The following CLN6 variants were observed in gnomAD, a reference collection of about 807,000 sequenced individuals.
The protein encoded by CLN6 is ceroid-lipofuscinosis neuronal protein 6.
Under a neutral mutation model 33.3 loss-of-function variants are expected in CLN6, and 22 were observed. The observed-to-expected ratio is 0.66, with a 90% CI of 0.47 to 0.94. The LOEUF is 0.94. Among genes scored for constraint, CLN6 ranks in the 40% least tolerant of loss-of-function variants. The pLI is 0.00. For missense variants in CLN6, 387 were observed against 417.1 expected, an observed-to-expected ratio of 0.93 and a Z score of 0.63; for synonymous variants, 201 against 174.6, an observed-to-expected ratio of 1.15 and a Z score of -1.19.
At chr15:68,225,479 T>C (rs1200244754) in intron 1 of CLN6, among the ~76,000 whole-genome samples, 2 of 152,046 alleles carry the variant, frequency 1.3e-5, no homozygotes, top group African/African-American at 4.8e-5. Context: ...GGGACTAATA[T>C]CATCTTTTTA....
chr15:68,251,943 ATG>A (rs1029362697), intron 1 of CLN6, among the ~76,000 whole-genome samples: 4 of 140,020 alleles, frequency 2.9e-5, no homozygotes, highest in Admixed American at 7.1e-5. Context: ...GTGCGTGTGT[ATG>A]TGTGTGTGTG....
At position 68,256,609 on chromosome 15, in the gene CLN6, C is replaced by T. The variant is rs1359080066; in HGVS notation, c.179+81G>A. The stretch of plus-strand genomic sequence containing the variant: ...ACGTGGCTGGCTTCAGGGGTGTGGG[C>T]AGTGCAGTCGCACAGGGCCCCACGT... On this transcript the variant is annotated intron_variant, in intron 1 of 6. Coordinates refer to the CLN6 transcript ENST00000538696. The surrounding 1 kb of genome is among the most constrained non-coding windows in gnomAD (Gnocchi z 4.1). The T allele has an allele frequency of 6.9e-6, 4 of 583,076 alleles. No homozygotes were observed. Among genetic ancestry groups the T allele is most frequent in the African/African-American group, 1.9e-5 (1 of 53,562 alleles). The allele number at this position is 583,076 out of a possible 1,614,324, so 36.1% of individuals were successfully genotyped here.
intron 1 of CLN6, among the ~76,000 whole-genome samples, chr15:68,254,024 C>T (rs1018723328): frequency 3.3e-5 from 5 of 151,846 alleles, no homozygotes; most frequent in Non-Finnish European, 5.9e-5. Flanking sequence ...ACTACAGGCG[C>T]CCACCACCGC....
rs1452767677 is a variant in CLN6 at position 68,220,659 on chromosome 15, A to T, written c.84-2009T>A. 6.6e-6 allele frequency among the ~76,000 whole-genome samples: 1 copy of T among 152,230 alleles called. No homozygotes were observed. Among genetic ancestry groups the T allele is most frequent in the Non-Finnish European group, 1.5e-5 (1 of 68,044 alleles). On this transcript the variant is annotated intron_variant, in intron 1 of 6. Coordinates refer to ENST00000249806, the MANE Select transcript of CLN6 (RefSeq NM_017882.3). The surrounding 1 kb of genome is among the most constrained non-coding windows in gnomAD (Gnocchi z 4.2). The stretch of plus-strand genomic sequence containing the variant: ...GGGAGAAAAAGTGCTGACAGTGTTC[A>T]TGTTGCCAGTTCATGATCTGGCCAT...
At chr15:68,223,353 T>C (rs2093243201) in intron 1 of CLN6, among the ~76,000 whole-genome samples, 1 of 152,108 alleles carries the variant, frequency 6.6e-6, no homozygotes, top group African/African-American at 2.4e-5. Context: ...ATCTTCAGAC[T>C]GGACAGATAG....
chr15:68,209,789 C>A lies in CLN6; in HGVS notation c.543-30G>T, dbSNP rs1419531887. On this transcript the variant is annotated intron_variant, in intron 5 of 6. Transcript: ENST00000249806. The surrounding 1 kb of genome is among the most constrained non-coding windows in gnomAD (Gnocchi z 4.9). ...GACAGGAAGGCCAGTGTCTTAGAGGCCTGCTCAGCGGCCCTCTTCCCCACA... is the reference window on the plus strand; with the variant it reads ...GACAGGAAGGCCAGTGTCTTAGAGGACTGCTCAGCGGCCCTCTTCCCCACA... 3.1e-6 allele frequency: 5 copies of A among 1,610,938 alleles called. No homozygotes were observed. Among genetic ancestry groups the A allele is most frequent in the Non-Finnish European group, 4.2e-6 (5 of 1,178,890 alleles).
intron 1 of CLN6, among the ~76,000 whole-genome samples, chr15:68,229,105 A>C (rs1017858786): frequency 2.6e-5 from 4 of 152,054 alleles, no homozygotes; most frequent in Non-Finnish European, 5.9e-5. Context: ...TGGCGCCCGG[A>C]ACTTGCGGAT....
At position 68,247,433 on chromosome 15, in the gene CLN6, C is replaced by T. The variant is rs1323050559; in HGVS notation, c.179+9257G>A. Among the ~76,000 whole-genome samples the T allele has an allele frequency of 1.3e-5, 2 of 152,002 alleles. No homozygotes were observed. The highest frequency in any genetic ancestry group is 2.9e-5 in the Non-Finnish European group (2 of 67,992). ...AATAGCTGCAAAAACAAACAAACAA[C>T]AACAACAACAACAAAACCTAGGAAT... On this transcript the variant is annotated intron_variant, in intron 1 of 6. Coordinates refer to the CLN6 transcript ENST00000538696. The surrounding 1 kb of genome is among the most constrained non-coding windows in gnomAD (Gnocchi z 4.2).
At chr15:68,251,370 C>G (rs1892376546) in intron 1 of CLN6, among the ~76,000 whole-genome samples, 2 of 152,008 alleles carry the variant, frequency 1.3e-5, no homozygotes, top group Non-Finnish European at 2.9e-5. Flanking sequence ...AAACATTGTT[C>G]CATTAAGAGC....
At chr15:68,229,895 C>G (rs1039689822), upstream of CLN6, among the ~76,000 whole-genome samples, 1 of 151,618 alleles carries the variant, frequency 6.6e-6, no homozygotes, top group South Asian at 2.1e-4. Flanking sequence ...GCGTGACCAC[C>G]AGCGGGCTGG....
intron 1 of CLN6, chr15:68,254,601 G>C: frequency 1.7e-6 from 1 of 594,618 alleles, no homozygotes; most frequent in South Asian, 1.9e-5. Context: ...CGCTCCCAGC[G>C]CCTATGTCCC....
chr15:68,252,270 G>A (rs757181206), intron 1 of CLN6, among the ~76,000 whole-genome samples: 19 of 151,994 alleles, frequency 1.3e-4, no homozygotes, highest in South Asian at 2.1e-4. Flanking sequence ...CACCACACCC[G>A]GTCTTGTGTG....
intron 1 of CLN6, among the ~76,000 whole-genome samples, chr15:68,245,767 G>A (rs1231057911): frequency 6.6e-6 from 1 of 151,906 alleles, no homozygotes; most frequent in Non-Finnish European, 1.5e-5. Flanking sequence ...ACTATATGCT[G>A]GGTGATATTA....
At chr15:68,224,535 T>C (rs1056640192) in intron 1 of CLN6, among the ~76,000 whole-genome samples, 1 of 150,106 alleles carries the variant, frequency 6.7e-6, no homozygotes, top group African/African-American at 2.5e-5. Context: ...GGCATGAGAA[T>C]TGCTTGAACC....
At position 68,208,094 on chromosome 15, in the gene CLN6, G is replaced by GGGCCCCCCCCCCCCCCCCCC; in HGVS notation, c.*45_*46insGGGGGGGGGGGGGGGGGGCC. The GGGCCCCCCCCCCCCCCCCCC allele has an allele frequency of 7.3e-7, 1 of 1,375,276 alleles. No individual in the cohort carries two copies. The highest frequency in any genetic ancestry group is 1.0e-6 in the Non-Finnish European group (1 of 992,022). 85.2% of individuals were successfully genotyped at this position (1,375,276 alleles called of 1,614,324 possible). A position where few individuals can be genotyped will look rare whatever the true frequency, so the allele number is the denominator to read the frequency against. On this transcript the variant is annotated 3_prime_UTR_variant, in exon 7 of 7. Transcript: ENST00000249806. This position sits in a 1 kb window ranked among gnomAD's most constrained non-coding sequence, Gnocchi z 5.8. ...CTCCTGTATTCAGATGCCCTCCATG[G>GGGCCCCCCCCCCCCCCCCCC]CCCACCCTCCCACCCAGCAGAGCGC...
At chr15:68,226,090 C>T (rs564720191) in intron 1 of CLN6, among the ~76,000 whole-genome samples, 51 of 151,782 alleles carry the variant, frequency 3.4e-4, no homozygotes, top group African/African-American at 1.1e-3. Context: ...GAGGCTGAGG[C>T]GGGTGAATCA....
At chr15:68,221,466 G>A (rs1436758752) in intron 1 of CLN6, among the ~76,000 whole-genome samples, 5 of 151,804 alleles carry the variant, frequency 3.3e-5, no homozygotes, top group Non-Finnish European at 5.9e-5. Flanking sequence ...TCTTGACCTC[G>A]AGTGATCTGC....
Position 68,242,912 on chromosome 15 carries a change from C to G in CLN6, c.179+13778G>C, listed in dbSNP as rs1892291902. 6.6e-6 allele frequency among the ~76,000 whole-genome samples: 1 copy of G among 152,142 alleles called. No homozygotes were observed. The highest frequency in any genetic ancestry group is 1.5e-5 in the Non-Finnish European group (1 of 68,020). On this transcript the variant is annotated intron_variant, in intron 1 of 6. Transcript: ENST00000538696. This position sits in a 1 kb window ranked among gnomAD's most constrained non-coding sequence, Gnocchi z 5.0. ...TCATTTCTGTCTAATGTCCTAAGCTCCACCCCAGTACATAATTGAAATTGC... is the reference window on the plus strand; with the variant it reads ...TCATTTCTGTCTAATGTCCTAAGCTGCACCCCAGTACATAATTGAAATTGC...
intron 1 of CLN6, among the ~76,000 whole-genome samples, chr15:68,226,592 G>A (rs1420567738): frequency 1.3e-5 from 2 of 151,810 alleles, no homozygotes; most frequent in African/African-American, 2.4e-5. Context: ...TCAGCCTCCC[G>A]AGTAGCTGGG....
Sources: gnomAD v4.1 joint callset for allele counts (sites outside exome capture counted in the v4.1 genomes callset) on GRCh38, gnomAD v4.1.1 for gene constraint, Gnocchi (gnomAD v3.1) non-coding constraint, MANE v1.5 for transcripts, NCBI Gene and HGNC (gene_info 2026-07-23, HGNC 2026-07-21) for gene names.